ANXA3: variants seen among roughly 807,000 people sequenced by gnomAD.
ANXA3 encodes 35-alpha calcimedin.
Under a neutral mutation model 48.8 loss-of-function variants are expected in ANXA3, and 46 were observed. That is an observed-to-expected ratio of 0.94 (90% CI 0.74 to 1.21). The LOEUF is 1.21. Ranked by LOEUF, ANXA3 falls within the 50% of genes most tolerant of loss-of-function variation. ANXA3 has a pLI of 0.00. For missense variants in ANXA3, 383 were observed against 378.6 expected (o/e 1.01, Z -0.10); for synonymous variants, 128 against 134.7 (o/e 0.95, Z 0.35).
At position 78,589,337 on chromosome 4, in the gene ANXA3, A is replaced by G. The variant is rs115259705; in HGVS notation, c.404-2207A>G. Among the ~76,000 whole-genome samples the G allele has an allele frequency of 4.9e-3, 754 of 152,338 alleles. 2 individuals are homozygous for G. The highest frequency in any genetic ancestry group is 8.6e-3 in the Non-Finnish European group (582 of 68,028). ...CTGAGGCTACAAAGGATACAACTGC[A>G]TCAAGGTTACCTTGGTTACTAGAGA... On this transcript the variant is annotated intron_variant, in intron 6 of 12. Coordinates refer to ENST00000264908, the MANE Select transcript of ANXA3 (RefSeq NM_005139.3).
intron 6 of ANXA3, among the ~76,000 whole-genome samples, chr4:78,590,345 G>C (rs1308752373): frequency 6.6e-6 from 1 of 152,124 alleles, no homozygotes; most frequent in South Asian, 2.1e-4. Flanking sequence ...AAAAGTTACA[G>C]ATTTCATAAA....
At chr4:78,578,918 T>C (rs1723017805) in intron 3 of ANXA3, 109 bp from the exon 4 acceptor site, 1 of 425,566 alleles carries the variant, frequency 2.3e-6, no homozygotes. Context: ...ATGCTAGAAA[T>C]TAAAATGCCT....
In ANXA3 at chr4:78,604,431, T is replaced by C. The variant is rs148000663; in HGVS notation, c.912+32T>C. 783 of 1,576,658 alleles carry C rather than the reference T, an allele frequency of 5.0e-4. 3 individuals carry two copies. In the African/African-American group the frequency reaches 0.01, roughly 21 times the overall value. On this transcript the variant is annotated intron_variant, in intron 12 of 12. Transcript: ENST00000264908. ...CTACTTTTAAAAATAGCAAAACATA[T>C]TTTGCCCTTCTCTACCCATCTCCTT... is the stretch of plus-strand genomic sequence containing the variant.
intron 2 of ANXA3, among the ~76,000 whole-genome samples, chr4:78,561,101 A>G (rs1171979895): frequency 6.6e-6 from 1 of 152,212 alleles, no homozygotes; most frequent in Non-Finnish European, 1.5e-5. Flanking sequence ...ATCATTCAAA[A>G]CATGGGATCC....
At chr4:78,585,362 A>G (rs968775834) in intron 5 of ANXA3, among the ~76,000 whole-genome samples, 19 of 152,180 alleles carry the variant, frequency 1.2e-4, no homozygotes, top group Admixed American at 1.2e-3. Flanking sequence ...CTTCCTGGCT[A>G]AAGAAGGCTC....
At chr4:78,588,028 A>G (rs1321693756) in intron 6 of ANXA3, among the ~76,000 whole-genome samples, 2 of 152,146 alleles carry the variant, frequency 1.3e-5, no homozygotes, top group African/African-American at 4.8e-5. Flanking sequence ...CCCAGGAGGC[A>G]GAGGTTACAG....
rs748302781 is a variant in ANXA3 at position 78,597,388 on chromosome 4, A to G, written c.704A>G (p.His235Arg). The stretch of plus-strand genomic sequence containing the variant: ...AGCATAAAAGGAGAATTATCTGGGC[A>G]TTTTGAAGACTTACTGTTGGCCATA... ...VDSIKGELSGHFEDLLLAIVN... is the reference protein window; with the variant it reads ...VDSIKGELSGRFEDLLLAIVN... The change falls in exon 10 of 13, where the codon CAT (histidine) becomes CGT (arginine). Residue 235 changes from histidine (H) to arginine (R), a missense_variant. Transcript: ENST00000264908. 6.2e-7 allele frequency: 1 copy of G among 1,610,224 alleles called. No homozygotes were observed. The highest frequency in any genetic ancestry group is 1.3e-5 in the African/African-American group (1 of 74,840).
chr4:78,570,988 G>C (rs1002600971), intron 2 of ANXA3: 2 of 152,046 alleles, frequency 1.3e-5, no homozygotes, highest in East Asian at 3.8e-4. Context: ...ATATTAAAGT[G>C]ACTAATTTAT....
intron 1 of ANXA3, chr4:78,554,101 C>G (rs939377224): frequency 1.6e-5 from 3 of 183,574 alleles, no homozygotes; most frequent in African/African-American, 7.0e-5. Flanking sequence ...TAGTGGTAGC[C>G]TGTCAGTAAT....
rs185392313 is a variant in ANXA3 at position 78,568,970 on chromosome 4, C to T, written c.16-4210C>T. Among the ~76,000 whole-genome samples the T allele has an allele frequency of 1.1e-4, 17 of 152,346 alleles. No individual in the cohort carries two copies. The East Asian group carries it at 2.3e-3, about 21-fold the overall frequency. On this transcript the variant is annotated intron_variant, in intron 2 of 12. Transcript: ENST00000264908. ...CAAGTTACTTAATCATCAGTTTCATCATCTGTGAAAAGGATTTATTATATC... is the reference window on the plus strand; with the variant it reads ...CAAGTTACTTAATCATCAGTTTCATTATCTGTGAAAAGGATTTATTATATC...
chr4:78,585,825 A>G (rs1261017565), intron 5 of ANXA3, among the ~76,000 whole-genome samples: 1 of 152,224 alleles, frequency 6.6e-6, no homozygotes, highest in Non-Finnish European at 1.5e-5. Context: ...ATTACTGAGG[A>G]TTTGAAAGGC....
chr4:78,601,734 C>A, intron 11 of ANXA3, 166 bp downstream of exon 11: 1 of 527,308 alleles, frequency 1.9e-6, no homozygotes, highest in East Asian at 3.0e-5. Flanking sequence ...ACACTCTTTA[C>A]ACAGACACCT....
chr4:78,567,043 G>A (rs899313776), intron 2 of ANXA3, among the ~76,000 whole-genome samples: 1 of 152,168 alleles, frequency 6.6e-6, no homozygotes, highest in Non-Finnish European at 1.5e-5. Flanking sequence ...TGCCTGCGGT[G>A]GTGGTGGGAG....
chr4:78,605,743 A>T (rs1299457644), intron 12 of ANXA3, among the ~76,000 whole-genome samples: 1 of 152,178 alleles, frequency 6.6e-6, no homozygotes, highest in East Asian at 1.9e-4. Context: ...TTGTTTTCAG[A>T]TCTCAGTTGA....
chr4:78,581,394 G>A (rs759096828), intron 4 of ANXA3, among the ~76,000 whole-genome samples: 1 of 152,172 alleles, frequency 6.6e-6, no homozygotes, highest in African/African-American at 2.4e-5. Context: ...ATATCAATAG[G>A]TAATGTCTGT....
At chr4:78,561,304 A>G (rs1722623373) in intron 2 of ANXA3, among the ~76,000 whole-genome samples, 1 of 152,190 alleles carries the variant, frequency 6.6e-6, no homozygotes, top group Non-Finnish European at 1.5e-5. Context: ...ATATGAGGAC[A>G]CAGTCATCTC....
At chr4:78,578,344 A>AGAGG (rs1723003814) in intron 3 of ANXA3, among the ~76,000 whole-genome samples, 1 of 59,860 alleles carries the variant, frequency 1.7e-5, no homozygotes, top group Non-Finnish European at 3.1e-5. Flanking sequence ...GGAGGGAGGG[A>AGAGG]GGGAGGGAAG....
At chr4:78,609,648 G>A (rs879881299) in intron 12 of ANXA3, among the ~76,000 whole-genome samples, 26 of 152,152 alleles carry the variant, frequency 1.7e-4, no homozygotes, top group Non-Finnish European at 3.7e-4. Flanking sequence ...TGGGGGATAC[G>A]TATAGTACCT....
intron 10 of ANXA3, among the ~76,000 whole-genome samples, chr4:78,600,532 T>C (rs1033179850): frequency 1.3e-5 from 2 of 152,202 alleles, no homozygotes; most frequent in African/African-American, 4.8e-5. Flanking sequence ...ATGGTTAGTT[T>C]CTTGTCAGAG....
Sources: gnomAD v4.1 joint callset for allele counts (sites outside exome capture counted in the v4.1 genomes callset) on GRCh38, gnomAD v4.1.1 for gene constraint, MANE v1.5 for transcripts, NCBI Gene and HGNC (gene_info 2026-07-23, HGNC 2026-07-21) for gene names.